The following CLASP1 variants were observed in gnomAD, a reference collection of about 807,000 sequenced individuals.
CLASP1 encodes the protein cytoplasmic linker associated protein 1.
CLASP1 carries 38 observed loss-of-function variants against 192.3 expected under a neutral mutation model. The observed-to-expected ratio is 0.20, with a 90% confidence interval of 0.15 to 0.26. The LOEUF (loss-of-function observed/expected upper bound fraction) is 0.26. Among genes scored for constraint, CLASP1 ranks in the 10% least tolerant of loss-of-function variants. The pLI is 1.00. For missense variants in CLASP1, 1,433 were observed against 1,932.5 expected, an observed-to-expected ratio of 0.74 and a Z score of 4.85; for synonymous variants, 691 against 712.8, an observed-to-expected ratio of 0.97 and a Z score of 0.49.
chr2:121,638,928 C>A (rs2071460208), intron 1 of CLASP1, among the ~76,000 whole-genome samples: 1 of 152,134 alleles, frequency 6.6e-6, no homozygotes, highest in Non-Finnish European at 1.5e-5. Flanking sequence ...CTTGGCCTCC[C>A]CAAATGCTGG....
chr2:121,420,929 C>G (rs2079389356), intron 22 of CLASP1, among the ~76,000 whole-genome samples: 1 of 152,192 alleles, frequency 6.6e-6, no homozygotes, highest in South Asian at 2.1e-4. Flanking sequence ...TAACAGTATG[C>G]ATAAATTTCT....
chr2:121,472,183 G>T (rs1199607868), intron 8 of CLASP1, among the ~76,000 whole-genome samples: 1 of 152,172 alleles, frequency 6.6e-6, no homozygotes, highest in East Asian at 1.9e-4. Flanking sequence ...GTTTAGTTCA[G>T]TCTTCTAAAA....
chr2:121,546,719 C>G (rs1402106495), intron 2 of CLASP1, among the ~76,000 whole-genome samples: 1 of 152,118 alleles, frequency 6.6e-6, no homozygotes, highest in Non-Finnish European at 1.5e-5. Context: ...GACCCGAGAG[C>G]CTTAGATACC....
exon 35 of CLASP1, chr2:121,367,782 C>A (rs1223872822): frequency 5.0e-6 from 8 of 1,612,308 alleles, no homozygotes; most frequent in Non-Finnish European, 6.8e-6. Flanking sequence ...TACTTCACTA[C>A]CCCCCCGGCC....
chr2:121,495,116 A>G (rs1363976909), intron 8 of CLASP1, among the ~76,000 whole-genome samples: 5 of 152,054 alleles, frequency 3.3e-5, no homozygotes, highest in Admixed American at 2.0e-4. Context: ...AGGTCAGGAG[A>G]TAGAGACCAT....
In CLASP1 at chr2:121,366,496, T is replaced by C. The variant is rs118104410; in HGVS notation, c.3886+1092A>G. Among the ~76,000 whole-genome samples, 229 of 152,348 alleles carry C rather than the reference T, an allele frequency of 1.5e-3. 4 individuals are homozygous for C. In the East Asian group the frequency reaches 0.039, roughly 26 times the overall value. ...GATCCCTGCAAGAGGATCAGCTTTCTTTTCTTTGTGCCCCGACTGGATCTG... is the reference window on the plus strand; with the variant it reads ...GATCCCTGCAAGAGGATCAGCTTTCCTTTCTTTGTGCCCCGACTGGATCTG... On this transcript the variant is annotated intron_variant, in intron 35 of 39. Coordinates refer to ENST00000263710, the Ensembl canonical transcript of CLASP1.
At chr2:121,384,163 T>C (rs896959009) in intron 32 of CLASP1, among the ~76,000 whole-genome samples, 5 of 142,024 alleles carry the variant, frequency 3.5e-5, no homozygotes, top group South Asian at 4.4e-4. Context: ...CACACATATA[T>C]ATATATACAC....
rs566334985 is a variant in CLASP1, at chr2:121,449,638, T to C, written c.1524-518A>G. ...GGGTGGGGAGGGTCCAATACAAGGA[T>C]AAAAACAGCATAAACAGATTATTAA... is the stretch of plus-strand genomic sequence containing the variant. On this transcript the variant is annotated intron_variant, in intron 16 of 39. Transcript: ENST00000263710. 4.7e-5 allele frequency among the ~76,000 whole-genome samples: 7 copies of C among 149,088 alleles called. No individual in the cohort carries two copies. In the South Asian group the frequency reaches 1.2e-3, roughly 27 times the overall value.
intron 26 of CLASP1, chr2:121,403,477 C>G (rs1490958411): frequency 4.4e-6 from 2 of 456,704 alleles, no homozygotes; most frequent in Non-Finnish European, 8.8e-6. Context: ...CTGGCCATCA[C>G]AGGTTTCTTT....
intron 2 of CLASP1, among the ~76,000 whole-genome samples, chr2:121,592,888 C>T (rs536431742): frequency 4.6e-5 from 7 of 152,128 alleles, no homozygotes; most frequent in African/African-American, 1.2e-4. Flanking sequence ...CCTCGTGATC[C>T]GCCCACCTCG....
At chr2:121,611,535 A>C (rs1383690613) in intron 1 of CLASP1, among the ~76,000 whole-genome samples, 2 of 122,320 alleles carry the variant, frequency 1.6e-5, no homozygotes, top group Non-Finnish European at 3.4e-5. Flanking sequence ...TGGAGGAGTT[A>C]CAGGAGAAAG....
At chr2:121,478,968 C>CACAT (rs1199370981) in intron 8 of CLASP1, among the ~76,000 whole-genome samples, 1 of 61,150 alleles carries the variant, frequency 1.6e-5, no homozygotes, top group African/African-American at 7.2e-5. Flanking sequence ...ACACACCACA[C>CACAT]ACACCACACA....
intron 37 of CLASP1, among the ~76,000 whole-genome samples, chr2:121,357,205 A>C (rs554149431): frequency 6.6e-6 from 1 of 152,336 alleles, no homozygotes; most frequent in South Asian, 2.1e-4. Context: ...AATTGCATTT[A>C]ATAGCTTCTT....
intron 37 of CLASP1, among the ~76,000 whole-genome samples, chr2:121,352,511 C>A (rs571071418): frequency 6.6e-6 from 1 of 152,170 alleles, no homozygotes; most frequent in Admixed American, 6.5e-5. Flanking sequence ...CTTTTTTACC[C>A]CGACAAAGGC....
At chr2:121,445,112 A>C (rs1205795110) in intron 19 of CLASP1, 2 of 433,994 alleles carry the variant, frequency 4.6e-6, no homozygotes, top group African/African-American at 2.1e-5. Context: ...ACAGCAAAGC[A>C]GAGTCTGAAG....
At chr2:121,505,778 T>A (rs1372868459) in intron 7 of CLASP1, among the ~76,000 whole-genome samples, 1 of 152,214 alleles carries the variant, frequency 6.6e-6, no homozygotes, top group Non-Finnish European at 1.5e-5. Flanking sequence ...TGAATTTAAA[T>A]TTCCATATTA....
chr2:121,605,719 C>T, exon 2 of CLASP1: 3 of 1,613,834 alleles, frequency 1.9e-6, no homozygotes, highest in Non-Finnish European at 2.5e-6. Flanking sequence ...TGCTAGAGTT[C>T]ACCCAAGAGG....
At chr2:121,561,616 A>C (rs2059095059) in intron 2 of CLASP1, among the ~76,000 whole-genome samples, 1 of 152,234 alleles carries the variant, frequency 6.6e-6, no homozygotes, top group African/African-American at 2.4e-5. Context: ...AATTGCAAAA[A>C]AATTTCATAA....
At chr2:121,578,542 A>G (rs1356130352) in intron 2 of CLASP1, among the ~76,000 whole-genome samples, 1 of 151,866 alleles carries the variant, frequency 6.6e-6, no homozygotes, top group Non-Finnish European at 1.5e-5. Context: ...ATCCTGGCCA[A>G]CACGGTGAAA....
Sources: allele counts gnomAD v4.1 joint callset (sites outside exome capture counted in the v4.1 genomes callset), GRCh38; gene constraint gnomAD v4.1.1; transcripts MANE v1.5; gene names NCBI Gene and HGNC (gene_info 2026-07-23, HGNC 2026-07-21).